The following GALNTL6 variants were observed in gnomAD, a reference collection of about 807,000 sequenced individuals.
GALNTL6 encodes the protein polypeptide N-acetylgalactosaminyltransferase like 6.
GALNTL6 carries 46 observed loss-of-function variants against 73.7 expected under a neutral mutation model. That is an observed-to-expected ratio of 0.62 (90% confidence interval 0.49 to 0.80). The LOEUF is 0.80. Among genes scored for constraint, GALNTL6 ranks in the 30% least tolerant of loss-of-function variants. The pLI, the probability that GALNTL6 is intolerant of heterozygous loss-of-function variation, is 0.00. For missense variants in GALNTL6, 604 were observed against 755.0 expected (o/e 0.80, Z 2.34); for synonymous variants, 259 against 263.7 (o/e 0.98, Z 0.17).
intron 5 of GALNTL6, among the ~76,000 whole-genome samples, chr4:172,777,336 T>A (rs1463287649): frequency 6.6e-6 from 1 of 152,098 alleles, no homozygotes; most frequent in Non-Finnish European, 1.5e-5. Flanking sequence ...GTTGGGGAGT[T>A]TTTCACAGCA....
chr4:171,926,507 T>C (rs1667362952), intron 2 of GALNTL6, among the ~76,000 whole-genome samples: 1 of 152,148 alleles, frequency 6.6e-6, no homozygotes, highest in East Asian at 1.9e-4. Flanking sequence ...TATGGAATTT[T>C]TAGATTTTGG....
chr4:171,992,689 T>C (rs1740375262), intron 2 of GALNTL6, among the ~76,000 whole-genome samples: 1 of 152,110 alleles, frequency 6.6e-6, no homozygotes. Flanking sequence ...ACAAGTTTCC[T>C]AAGAGAGTAT....
intron 5 of GALNTL6, among the ~76,000 whole-genome samples, chr4:172,690,063 T>A (rs1225679421): frequency 6.6e-6 from 1 of 151,990 alleles, no homozygotes; most frequent in African/African-American, 2.4e-5. Context: ...AATATAGAAA[T>A]TAAAATAACA....
At chr4:172,967,812 T>G (rs1207732009) in intron 10 of GALNTL6, among the ~76,000 whole-genome samples, 1 of 152,184 alleles carries the variant, frequency 6.6e-6, no homozygotes, top group Non-Finnish European at 1.5e-5. Flanking sequence ...GGTTTGATAC[T>G]ATCTGTGGTT....
chr4:172,135,784 A>C (rs1358957136), intron 2 of GALNTL6, among the ~76,000 whole-genome samples: 1 of 152,046 alleles, frequency 6.6e-6, no homozygotes, highest in Non-Finnish European at 1.5e-5. Context: ...ATATGAGAAA[A>C]ATTTAATGAT....
chr4:172,059,401 G>A (rs1274558454), intron 2 of GALNTL6, among the ~76,000 whole-genome samples: 2 of 152,046 alleles, frequency 1.3e-5, no homozygotes, highest in Non-Finnish European at 2.9e-5. Context: ...GCTCATACTC[G>A]ACATTACAAT....
intron 5 of GALNTL6, among the ~76,000 whole-genome samples, chr4:172,438,548 C>T (rs181494211): frequency 3.9e-4 from 59 of 152,104 alleles, no homozygotes; most frequent in African/African-American, 1.4e-3. Context: ...CATCCTCAAC[C>T]GTTATGACCT....
chr4:172,294,501 G>A (rs1739593806), intron 3 of GALNTL6, among the ~76,000 whole-genome samples: 1 of 152,062 alleles, frequency 6.6e-6, no homozygotes, highest in African/African-American at 2.4e-5. Context: ...GTGGGGGCAG[G>A]GGTATCACTT....
At chr4:172,245,328 T>C (rs892905425) in intron 3 of GALNTL6, among the ~76,000 whole-genome samples, 7 of 152,202 alleles carry the variant, frequency 4.6e-5, no homozygotes, top group Non-Finnish European at 7.3e-5. Flanking sequence ...TAATAGTAGC[T>C]CTGCTCTTGA....
chr4:172,431,217 A>G (rs984153621), intron 5 of GALNTL6, among the ~76,000 whole-genome samples: 1 of 152,178 alleles, frequency 6.6e-6, no homozygotes, highest in African/African-American at 2.4e-5. Context: ...ATAGATTTCC[A>G]TATTCTAATT....
intron 2 of GALNTL6, among the ~76,000 whole-genome samples, chr4:172,177,860 C>CACATGTATATGTGTATATAT (rs1735097513): frequency 7.0e-6 from 1 of 142,866 alleles, no homozygotes; most frequent in South Asian, 2.2e-4. Flanking sequence ...TATATACACA[C>CACATGTATATGTGTATATAT]ATACTAAGGC....
intron 5 of GALNTL6, among the ~76,000 whole-genome samples, chr4:172,794,485 G>A (rs1251855481): frequency 6.6e-6 from 1 of 152,128 alleles, no homozygotes; most frequent in African/African-American, 2.4e-5. Flanking sequence ...AACAGCCAGA[G>A]GTCACAAAAA....
At chr4:172,518,054 T>C (rs1734663764) in intron 5 of GALNTL6, among the ~76,000 whole-genome samples, 2 of 151,988 alleles carry the variant, frequency 1.3e-5, no homozygotes, top group Admixed American at 6.6e-5. Context: ...TGCCCCAGTA[T>C]GCTCACAAAG....
At chr4:172,805,577 T>G (rs1398710803) in intron 5 of GALNTL6, among the ~76,000 whole-genome samples, 1 of 152,154 alleles carries the variant, frequency 6.6e-6, no homozygotes, top group East Asian at 1.9e-4. Context: ...AAAAAAATTA[T>G]ACAGAGTTTT....
At chr4:172,257,126 A>G (rs1465174166) in intron 3 of GALNTL6, among the ~76,000 whole-genome samples, 2 of 151,456 alleles carry the variant, frequency 1.3e-5, no homozygotes, top group Non-Finnish European at 3.0e-5. Context: ...AAAATTAAAG[A>G]TAAAGTCTGG....
At chr4:172,280,157 G>A (rs557981917) in intron 3 of GALNTL6, among the ~76,000 whole-genome samples, 1 of 152,308 alleles carries the variant, frequency 6.6e-6, no homozygotes, top group South Asian at 2.1e-4. Flanking sequence ...GAGCTCTGTT[G>A]TGCAACAACC....
intron 3 of GALNTL6, among the ~76,000 whole-genome samples, chr4:172,304,450 T>C (rs1370012801): frequency 1.3e-5 from 2 of 150,090 alleles, no homozygotes; most frequent in Non-Finnish European, 3.0e-5. Context: ...ATTTGGGAAA[T>C]AGGTCCTGAT....
chr4:172,565,940 G>T (rs2110936752), intron 5 of GALNTL6, among the ~76,000 whole-genome samples: 1 of 152,198 alleles, frequency 6.6e-6, no homozygotes, highest in South Asian at 2.1e-4. Context: ...AAGAGACAAA[G>T]AAGGACATTA....
At chr4:172,897,371 GC>G (rs1434703527) in intron 8 of GALNTL6, among the ~76,000 whole-genome samples, 2 of 152,266 alleles carry the variant, frequency 1.3e-5, no homozygotes, top group East Asian at 3.9e-4. Context: ...TGGGCAATTC[GC>G]CCTCTGGGCC....
Sources: gnomAD v4.1 joint callset for allele counts (sites outside exome capture counted in the v4.1 genomes callset) on GRCh38, gnomAD v4.1.1 for gene constraint, MANE v1.5 for transcripts, NCBI Gene and HGNC (gene_info 2026-07-23, HGNC 2026-07-21) for gene names.